Variants in EML6 observed in about 807,000 individuals in gnomAD.
EML6 encodes the protein EMAP like 6.
In EML6, 154 loss-of-function variants were observed where a neutral mutation model predicts 240.1. The observed-to-expected ratio is 0.64, with a 90% CI of 0.56 to 0.73. EML6 has a LOEUF of 0.73. Among genes scored for constraint, EML6 ranks in the 30% least tolerant of loss-of-function variants. The pLI is 0.00. For synonymous variants in EML6, 1,148 were observed against 899.0 expected (o/e 1.28, Z -4.95); for missense variants, 2,964 against 2,474.6 (o/e 1.20, Z -4.20).
chr2:54,903,351 C>G lies in EML6; in HGVS notation c.3278-20C>G. 6.5e-7 allele frequency: 1 copy of G among 1,549,506 alleles called. No individual in the cohort carries two copies. The highest frequency in any genetic ancestry group is 8.7e-7 in the Non-Finnish European group (1 of 1,146,038). Reference sequence around the variant, plus strand: ...CCTATATAAAATGCTTCGATGTTAACCCCACATTTTTCTTAACAGATACGG... The same window carrying G: ...CCTATATAAAATGCTTCGATGTTAAGCCCACATTTTTCTTAACAGATACGG... On this transcript the variant is annotated intron_variant, in intron 23 of 41. Coordinates refer to ENST00000356458, the MANE Select transcript of EML6 (RefSeq NM_001039753.4).
intron 28 of EML6, among the ~76,000 whole-genome samples, chr2:54,930,792 C>T (rs1029657280): frequency 2.6e-5 from 4 of 151,976 alleles, no homozygotes; most frequent in Non-Finnish European, 5.9e-5. Flanking sequence ...CAGAGTGGGG[C>T]CCTGCCAGGT....
At chr2:54,838,372 C>T (rs1035819735) in intron 7 of EML6, among the ~76,000 whole-genome samples, 1 of 152,162 alleles carries the variant, frequency 6.6e-6, no homozygotes, top group East Asian at 1.9e-4. Flanking sequence ...TCTCACAATG[C>T]TATGAAGTGT....
At chr2:54,849,323 C>G (rs1485058703) in intron 9 of EML6, among the ~76,000 whole-genome samples, 1 of 152,132 alleles carries the variant, frequency 6.6e-6, no homozygotes, top group Non-Finnish European at 1.5e-5. Flanking sequence ...TTATTATAAC[C>G]TATAGTTACT....
At chr2:54,785,830 CA>C (rs1374281017) in intron 2 of EML6, among the ~76,000 whole-genome samples, 1 of 151,748 alleles carries the variant, frequency 6.6e-6, no homozygotes, top group Admixed American at 6.6e-5. Context: ...CAAATTGTCA[CA>C]AATCTCCAAA....
chr2:54,743,794 T>C (rs1683772872), intron 2 of EML6, among the ~76,000 whole-genome samples: 1 of 152,224 alleles, frequency 6.6e-6, no homozygotes, highest in African/African-American at 2.4e-5. Context: ...CATTATATTA[T>C]AAAACACATA....
At chr2:54,924,272 G>C (rs927156320) in intron 26 of EML6, among the ~76,000 whole-genome samples, 4 of 152,182 alleles carry the variant, frequency 2.6e-5, no homozygotes, top group Non-Finnish European at 4.4e-5. Flanking sequence ...CTTGTCAGAT[G>C]CATAAAATTC....
intron 4 of EML6, among the ~76,000 whole-genome samples, chr2:54,819,337 C>G (rs1668219562): frequency 6.6e-6 from 1 of 152,262 alleles, no homozygotes; most frequent in South Asian, 2.1e-4. Context: ...TCCAGACCCA[C>G]TAAATGAGAG....
At chr2:54,941,898 C>G (rs912896319) in intron 28 of EML6, among the ~76,000 whole-genome samples, 2 of 152,230 alleles carry the variant, frequency 1.3e-5, no homozygotes, top group Non-Finnish European at 2.9e-5. Flanking sequence ...ATGCAAGACT[C>G]CTGTTCTTTA....
chr2:54,892,747 A>AG, intron 19 of EML6, 91 bp downstream of exon 19: 7 of 904,682 alleles, frequency 7.7e-6, no homozygotes, highest in Non-Finnish European at 1.2e-5. Context: ...GCCTGTATCT[A>AG]AAACAGGCCT....
At chr2:54,815,549 CTT>C (rs1328503699) in intron 3 of EML6, among the ~76,000 whole-genome samples, 5 of 152,126 alleles carry the variant, frequency 3.3e-5, no homozygotes, top group African/African-American at 1.2e-4. Context: ...GTGTTCACTG[CTT>C]TTTTTCTCTT....
In EML6 at chr2:54,928,383, A is replaced by G. The variant is rs181737730; in HGVS notation, c.3746A>G (p.Asn1249Ser). Residue 1249 changes from asparagine (N) to serine (S), a missense_variant, in exon 27 of 42, where the codon AAT (asparagine) becomes AGT (serine). Transcript: ENST00000356458. ...AHVTNVRWLH[N>S]DSVLLTVGGA... ...GTCACTAACGTGAGGTGGCTGCACA[A>G]TGACTCTGTGCTGCTCACGGTGGGC... 2.7e-5 allele frequency: 42 copies of G among 1,551,854 alleles called. No individual in the cohort carries two copies. The East Asian group carries it at 6.6e-4, about 24-fold the overall frequency.
intron 2 of EML6, among the ~76,000 whole-genome samples, chr2:54,744,265 TG>T (rs1490799465): frequency 6.6e-6 from 1 of 151,894 alleles, no homozygotes; most frequent in Admixed American, 6.6e-5. Flanking sequence ...CCCATAATGG[TG>T]GTAGCCTAGA....
intron 39 of EML6, among the ~76,000 whole-genome samples, 175 bp from the exon 40 acceptor site, chr2:54,967,953 T>A (rs369498261): frequency 6.6e-6 from 1 of 152,308 alleles, no homozygotes. Context: ...GCTCACCTCC[T>A]GCCCTGCGGT....
chr2:54,805,041 A>G (rs1670393960), intron 2 of EML6, among the ~76,000 whole-genome samples: 2 of 152,168 alleles, frequency 1.3e-5, no homozygotes, highest in Non-Finnish European at 2.9e-5. Context: ...TTGGCTCCTA[A>G]CATATGTTGA....
chr2:54,846,606 C>A (rs575807728), intron 8 of EML6, among the ~76,000 whole-genome samples: 46 of 151,968 alleles, frequency 3.0e-4, no homozygotes, highest in African/African-American at 1.1e-3. Context: ...ACCTCAGCCT[C>A]CCAAGTAGCT....
At chr2:54,751,554 A>G (rs1472703592) in intron 2 of EML6, among the ~76,000 whole-genome samples, 3 of 152,204 alleles carry the variant, frequency 2.0e-5, no homozygotes, top group African/African-American at 7.2e-5. Context: ...AGGAAGGACA[A>G]ATGCTCCGCA....
intron 26 of EML6, 26 bp from the exon 27 acceptor site, chr2:54,928,287 G>T (rs928255718): frequency 1.3e-6 from 2 of 1,534,464 alleles, no homozygotes; most frequent in Non-Finnish European, 1.8e-6. Flanking sequence ...AGTGGCTGGG[G>T]TAATAACCAA....
At position 54,960,290 on chromosome 2, in the gene EML6, A is replaced by T; in HGVS notation, c.4924A>T (p.Thr1642Ser). The change falls in exon 35 of 42, where the codon ACC becomes TCC. Residue 1642 changes from threonine to serine, a missense_variant. Physicochemically the swap from Thr to Ser is moderately conservative, Grantham distance 58. Transcript: ENST00000356458. ...MKRCRAFQLE[T>S]GQLVECVRSV... ...GCGCTGCCGGGCCTTTCAGCTGGAGACCGGGCAGCTGGTGGAGTGTGTGCG... is the reference window on the plus strand; with the variant it reads ...GCGCTGCCGGGCCTTTCAGCTGGAGTCCGGGCAGCTGGTGGAGTGTGTGCG... 1 of 1,551,360 alleles carries T rather than the reference A, an allele frequency of 6.4e-7. No homozygotes were observed. Among genetic ancestry groups the T allele is most frequent in the Non-Finnish European group, 8.7e-7 (1 of 1,146,904 alleles).
chr2:54,792,073 G>C (rs1009257169), intron 2 of EML6, among the ~76,000 whole-genome samples: 1 of 152,144 alleles, frequency 6.6e-6, no homozygotes, highest in Non-Finnish European at 1.5e-5. Context: ...GTTTTCTTCA[G>C]TTTTTTAAAA....
Sources: gnomAD v4.1 joint callset for allele counts (sites outside exome capture counted in the v4.1 genomes callset) on GRCh38, gnomAD v4.1.1 for gene constraint, MANE v1.5 for transcripts, NCBI Gene and HGNC (gene_info 2026-07-23, HGNC 2026-07-21) for gene names.